Variants in LAMA2 observed in about 807,000 individuals in gnomAD.
LAMA2 encodes the protein laminin subunit alpha 2.
LAMA2 carries 269 observed loss-of-function variants against 364.8 expected under a neutral mutation model. That is an observed-to-expected ratio of 0.74 (90% confidence interval 0.67 to 0.82). The LOEUF (loss-of-function observed/expected upper bound fraction) is 0.82. Among genes scored for constraint, LAMA2 ranks in the 40% least tolerant of loss-of-function variants. The pLI is 0.00. For missense variants in LAMA2, 3,807 were observed against 3,873.2 expected (o/e 0.98, Z 0.45); for synonymous variants, 1,379 against 1,370.6 (o/e 1.01, Z -0.14).
chr6:128,998,534 T>G (rs1475304846), intron 1 of LAMA2, among the ~76,000 whole-genome samples: 9 of 103,878 alleles, frequency 8.7e-5, no homozygotes, highest in East Asian at 6.2e-4. Context: ...CAGGCCAGTG[T>G]GTGTGCGCAC....
chr6:129,232,995 G>A (rs1784764120), intron 12 of LAMA2, among the ~76,000 whole-genome samples: 2 of 152,228 alleles, frequency 1.3e-5, no homozygotes, highest in African/African-American at 4.8e-5. Flanking sequence ...AAACAGCAAG[G>A]AAATGGGAAC....
chr6:129,252,136 C>A lies in LAMA2; in HGVS notation c.1937C>A (p.Ser646Tyr), dbSNP rs780193210. 2.5e-6 allele frequency: 4 copies of A among 1,613,612 alleles called. No homozygotes were observed. The highest frequency in any genetic ancestry group is 3.4e-6 in the Non-Finnish European group (4 of 1,179,690). Residue 646 changes from serine (S) to tyrosine (Y), a missense_variant, in exon 14 of 65, where the codon TCT (serine) becomes TAT (tyrosine). Coordinates refer to ENST00000421865, the MANE Select transcript of LAMA2 (RefSeq NM_000426.4). ...CAAGATGAGGTGTACCTGCACCCAT[C>A]TGAAGAACATACTAATGTATTGTTA... ...TAQDEVYLHP[S>Y]EEHTNVLLLK...
intron 1 of LAMA2, among the ~76,000 whole-genome samples, chr6:129,009,156 A>G (rs754426125): frequency 6.6e-6 from 1 of 152,106 alleles, no homozygotes; most frequent in Non-Finnish European, 1.5e-5. Context: ...ATCTTTGGAG[A>G]GTATACTATT....
intron 7 of LAMA2, 55 bp downstream of exon 7, chr6:129,149,151 G>A (rs2114968127): frequency 1.8e-6 from 2 of 1,123,972 alleles, no homozygotes; most frequent in East Asian, 4.7e-5. Flanking sequence ...AAGAAAAAAA[G>A]CCAGTAATGA....
At chr6:128,946,814 C>T (rs1194618643) in intron 1 of LAMA2, among the ~76,000 whole-genome samples, 1 of 152,160 alleles carries the variant, frequency 6.6e-6, no homozygotes, top group Non-Finnish European at 1.5e-5. Context: ...TTGTAAATTG[C>T]TGAAAGTTTA....
Position 128,961,811 on chromosome 6 carries a change from A to C in LAMA2, c.112+78454A>C, listed in dbSNP as rs544277269. On this transcript the variant is annotated intron_variant, in intron 1 of 64. Transcript: ENST00000421865. ...TGACACTTGTATTAACCATCACAAGAATAAATTCCCAGTGGTCTCTTGCCA... is the reference window on the plus strand; with the variant it reads ...TGACACTTGTATTAACCATCACAAGCATAAATTCCCAGTGGTCTCTTGCCA... Among the ~76,000 whole-genome samples the C allele has an allele frequency of 2.6e-5, 4 of 152,008 alleles. No homozygotes were observed. In the East Asian group the frequency reaches 7.8e-4, roughly 30 times the overall value.
Position 129,147,019 on chromosome 6 carries a change from A to G in LAMA2, c.880A>G (p.Arg294Gly). Residue 294 changes from arginine to glycine, a missense_variant, in exon 6 of 65, where the codon AGG becomes GGG. This residue lies in a region of LAMA2 where 394 missense variants were observed against 403.5 expected (regional missense o/e 0.98). Transcript: ENST00000421865. Reference sequence around the variant, plus strand: ...GATGTGCATCTGCTATGGTCATGCCAGGGCTTGTCCACTTGATCCAGCGAC... The same window carrying G: ...GATGTGCATCTGCTATGGTCATGCCGGGGCTTGTCCACTTGATCCAGCGAC... ...GGMCICYGHA[R>G]ACPLDPATNK... 1 of 1,611,238 alleles carries G rather than the reference A, an allele frequency of 6.2e-7. No homozygotes were observed. The highest frequency in any genetic ancestry group is 8.5e-7 in the Non-Finnish European group (1 of 1,177,558).
chr6:129,152,370 G>A (rs1168306425), intron 7 of LAMA2, among the ~76,000 whole-genome samples: 1 of 152,178 alleles, frequency 6.6e-6, no homozygotes, highest in Non-Finnish European at 1.5e-5. Context: ...TAGAGGAAAA[G>A]TCATTTGTCA....
At chr6:129,190,488 C>A in intron 11 of LAMA2, 143 bp downstream of exon 11, 1 of 847,150 alleles carries the variant, frequency 1.2e-6, no homozygotes, top group Non-Finnish European at 1.8e-6. Flanking sequence ...TCTTCAAATG[C>A]TGTTGTGTAT....
At chr6:128,909,704 G>A (rs1448474497) in intron 1 of LAMA2, among the ~76,000 whole-genome samples, 22 of 151,068 alleles carry the variant, frequency 1.5e-4, no homozygotes, top group Admixed American at 2.6e-4. Context: ...TATTTTGCTC[G>A]TTAGTTGATG....
chr6:129,219,980 TAAAAA>T (rs1415948093), intron 12 of LAMA2, among the ~76,000 whole-genome samples: 1 of 151,576 alleles, frequency 6.6e-6, no homozygotes, highest in African/African-American at 2.4e-5. Context: ...AATAATAAAA[TAAAAA>T]TAAAATAAAA....
intron 12 of LAMA2, among the ~76,000 whole-genome samples, chr6:129,212,907 A>G (rs1359179326): frequency 6.6e-6 from 1 of 152,242 alleles, no homozygotes; most frequent in Non-Finnish European, 1.5e-5. Context: ...AAAGCATTTC[A>G]AATGTTTATT....
rs1433808919 is a variant in LAMA2 at position 129,229,332 on chromosome 6, A to AAG, written c.1783-20777_1783-20776dup. 2.0e-5 allele frequency among the ~76,000 whole-genome samples: 3 copies of AAG among 152,282 alleles called. No individual in the cohort carries two copies. The East Asian group carries it at 5.8e-4, about 29-fold the overall frequency. ...AAAAAGTTATGTGGGTATCTGGAGCAAGAGCATCTTAGGACAAAGAGAAAG... is the reference window on the plus strand; with the variant it reads ...AAAAAGTTATGTGGGTATCTGGAGCAAGAGAGCATCTTAGGACAAAGAGAAAG... On this transcript the variant is annotated intron_variant, in intron 12 of 64. Coordinates refer to ENST00000421865, the MANE Select transcript of LAMA2 (RefSeq NM_000426.4).
intron 3 of LAMA2, among the ~76,000 whole-genome samples, chr6:129,097,454 A>G (rs1171370152): frequency 1.3e-5 from 2 of 151,942 alleles, no homozygotes; most frequent in African/African-American, 2.4e-5. Context: ...CTCCATTGTC[A>G]CTCTGTTAAC....
chr6:129,126,540 G>T (rs1224081759), intron 4 of LAMA2, among the ~76,000 whole-genome samples: 1 of 141,050 alleles, frequency 7.1e-6, no homozygotes, highest in Non-Finnish European at 1.5e-5. Flanking sequence ...AATTCTACTG[G>T]TAAGACTTTT....
intron 61 of LAMA2, among the ~76,000 whole-genome samples, chr6:129,505,577 T>C (rs1399246765): frequency 1.3e-5 from 2 of 152,030 alleles, no homozygotes; most frequent in Non-Finnish European, 2.9e-5. Context: ...GGTGCGATCT[T>C]GGCTCACTGC....
intron 17 of LAMA2, among the ~76,000 whole-genome samples, chr6:129,274,177 A>T (rs1788136987): frequency 1.3e-5 from 2 of 151,358 alleles, no homozygotes; most frequent in Admixed American, 1.3e-4. Flanking sequence ...AACAACTAGA[A>T]AATTATCATG....
intron 1 of LAMA2, among the ~76,000 whole-genome samples, chr6:128,949,067 AT>A (rs1168390762): frequency 1.3e-5 from 2 of 152,184 alleles, no homozygotes; most frequent in Admixed American, 1.3e-4. Context: ...ATATTTGAAT[AT>A]TTTTATGAGT....
intron 1 of LAMA2, among the ~76,000 whole-genome samples, chr6:128,918,034 A>T (rs895375387): frequency 6.6e-6 from 1 of 151,848 alleles, no homozygotes; most frequent in South Asian, 2.1e-4. Flanking sequence ...CCTGGCTTTT[A>T]TATTCTTAAT....
Sources: gnomAD v4.1 joint callset for allele counts (sites outside exome capture counted in the v4.1 genomes callset) on GRCh38, gnomAD v4.1.1 for gene constraint, gnomAD v4.1.1 regional missense constraint, MANE v1.5 for transcripts, NCBI Gene and HGNC (gene_info 2026-07-23, HGNC 2026-07-21) for gene names.